Variants in PCNX2 observed in about 807,000 individuals in gnomAD.
PCNX2 encodes the protein pecanex-like protein 2.
A neutral mutation model predicts 223.8 loss-of-function variants in PCNX2; 168 were observed. The observed-to-expected ratio is 0.75, with a 90% CI of 0.66 to 0.85. PCNX2 has a LOEUF of 0.85. Ranked by LOEUF, PCNX2 falls within the 40% of genes least tolerant of loss-of-function variation. PCNX2 has a pLI of 0.00. For missense variants in PCNX2, 2,507 were observed against 2,675.5 expected (o/e 0.94, Z 1.39); for synonymous variants, 1,006 against 1,052.6 (o/e 0.96, Z 0.86).
At chr1:233,192,495 A>G (rs1397478805) in intron 15 of PCNX2, among the ~76,000 whole-genome samples, 1 of 152,222 alleles carries the variant, frequency 6.6e-6, no homozygotes, top group African/African-American at 2.4e-5. Context: ...CTAGGTTATC[A>G]AAGACATATT....
intron 25 of PCNX2, among the ~76,000 whole-genome samples, chr1:233,027,769 T>C (rs928942576): frequency 6.6e-6 from 1 of 152,112 alleles, no homozygotes; most frequent in Non-Finnish European, 1.5e-5. Context: ...CTTCCCCTCT[T>C]CCTTTTAAAA....
In PCNX2 at chr1:233,001,756, T is replaced by C; in HGVS notation, c.4953-75A>G. On this transcript the variant is annotated intron_variant, in intron 28 of 33. Transcript: ENST00000258229. This position sits in a 1 kb window ranked among gnomAD's most constrained non-coding sequence, Gnocchi z 4.2. ...TTGTGAGCAAAGTTTGAGTCTCCCA[T>C]TTGTCTAAGAATTATCTTAACATTT... The C allele has an allele frequency of 7.6e-7, 1 of 1,309,550 alleles. No homozygotes were observed. Among genetic ancestry groups the C allele is most frequent in the Non-Finnish European group, 1.0e-6 (1 of 995,086 alleles). 81.1% of individuals were successfully genotyped at this position (1,309,550 alleles called of 1,614,324 possible).
intron 1 of PCNX2, among the ~76,000 whole-genome samples, chr1:233,264,483 G>C (rs1221165410): frequency 6.6e-6 from 1 of 152,118 alleles, no homozygotes; most frequent in East Asian, 1.9e-4. Flanking sequence ...TATCTTCCAA[G>C]TTGGACTGTC....
intron 10 of PCNX2, among the ~76,000 whole-genome samples, chr1:233,226,999 T>C (rs531802833): frequency 6.6e-6 from 1 of 152,344 alleles, no homozygotes; most frequent in South Asian, 2.1e-4. Flanking sequence ...AATATGTTAA[T>C]TTATTATTAA....
chr1:233,036,683 C>T (rs970728563), intron 25 of PCNX2, among the ~76,000 whole-genome samples: 2 of 151,544 alleles, frequency 1.3e-5, no homozygotes, highest in Admixed American at 6.6e-5. Flanking sequence ...TAAGATTGCA[C>T]AATAGAAATA....
intron 23 of PCNX2, among the ~76,000 whole-genome samples, chr1:233,073,425 C>T (rs1672944134): frequency 6.6e-6 from 1 of 151,990 alleles, no homozygotes; most frequent in Admixed American, 6.6e-5. Context: ...ATTTTGTACA[C>T]TCTTCTTTTT....
chr1:232,985,819 A>G, intron 33 of PCNX2: 1 of 600,368 alleles, frequency 1.7e-6, no homozygotes. Context: ...AGATGGCCAC[A>G]GTTCTGCAGA....
At chr1:233,191,148 C>CATGG (rs1680398610) in intron 15 of PCNX2, among the ~76,000 whole-genome samples, 1 of 152,180 alleles carries the variant, frequency 6.6e-6, no homozygotes, top group Non-Finnish European at 1.5e-5. Context: ...CATGAATGCA[C>CATGG]ATTACTTTTG....
chr1:233,319,645 A>T, the PCNX2 span, among the ~76,000 whole-genome samples: 1 of 152,214 alleles, frequency 6.6e-6, no homozygotes. Context: ...AAAGGGTCTT[A>T]TGCCCTCACT....
chr1:233,057,289 T>C lies in PCNX2; in HGVS notation c.4078A>G (p.Thr1360Ala). Residue 1360 changes from threonine to alanine, a missense_variant and splice_region_variant, in exon 24 of 34, where the codon ACA becomes GCA. This residue lies in a region of PCNX2 where 1,372 missense variants were observed against 1,509.4 expected (regional missense o/e 0.91). Transcript: ENST00000258229. ...GTGTTGGAATTATCCACTCGCCTTG[T>C]ACTAGAAGAGGCCACAAAAGGGTAA... ...PVKFWEKNYN[T>A]RRVDNSNTRL... 2 of 1,608,866 alleles carry C rather than the reference T, an allele frequency of 1.2e-6. No individual in the cohort carries two copies. Among genetic ancestry groups the C allele is most frequent in the Non-Finnish European group, 1.7e-6 (2 of 1,176,596 alleles).
chr1:233,233,768 G>T (rs565554368), intron 9 of PCNX2, among the ~76,000 whole-genome samples: 3 of 151,772 alleles, frequency 2.0e-5, no homozygotes, highest in Non-Finnish European at 4.4e-5. Context: ...CTTGTCTTCC[G>T]AGCCTTATCT....
intron 5 of PCNX2, among the ~76,000 whole-genome samples, chr1:233,256,529 C>T (rs886180245): frequency 6.6e-6 from 1 of 152,102 alleles, no homozygotes; most frequent in Admixed American, 6.6e-5. Flanking sequence ...AATACAGTAG[C>T]CAATAGCCAC....
chr1:233,233,044 A>G, intron 9 of PCNX2: 2 of 985,228 alleles, frequency 2.0e-6, no homozygotes, highest in Non-Finnish European at 2.4e-6. Flanking sequence ...TACAGATCCT[A>G]TGCTGCCCTT....
intron 25 of PCNX2, among the ~76,000 whole-genome samples, chr1:233,037,325 TTTTTA>T (rs1406550045): frequency 6.6e-6 from 1 of 152,108 alleles, no homozygotes; most frequent in Non-Finnish European, 1.5e-5. Flanking sequence ...CTGTGTGTCT[TTTTTA>T]TTTTATTTTA....
intron 21 of PCNX2, among the ~76,000 whole-genome samples, chr1:233,106,715 C>T (rs1020136426): frequency 1.3e-5 from 2 of 152,118 alleles, no homozygotes; most frequent in Non-Finnish European, 2.9e-5. Flanking sequence ...GTTCATTCAC[C>T]TCCTATCAGG....
rs997233421 is a variant in PCNX2 at position 233,120,560 on chromosome 1, C to T, written c.3837+14453G>A. On this transcript the variant is annotated intron_variant, in intron 21 of 33. Coordinates refer to ENST00000258229, the MANE Select transcript of PCNX2 (RefSeq NM_014801.4). ...TAAAAATTTAGCATGGAACTACCTA[C>T]GGCAAAAGTAAAAGTACCTACCCAT... 4.6e-5 allele frequency among the ~76,000 whole-genome samples: 7 copies of T among 152,256 alleles called. No individual in the cohort carries two copies. The South Asian group carries it at 6.2e-4, about 14-fold the overall frequency.
intron 10 of PCNX2, among the ~76,000 whole-genome samples, chr1:233,220,887 A>G (rs767087965): frequency 6.6e-6 from 1 of 152,198 alleles, no homozygotes; most frequent in Non-Finnish European, 1.5e-5. Context: ...AATTTCAGAT[A>G]GATAGCTATA....
intron 28 of PCNX2, among the ~76,000 whole-genome samples, chr1:233,013,059 C>A (rs1670523811): frequency 6.6e-6 from 1 of 152,126 alleles, no homozygotes; most frequent in Non-Finnish European, 1.5e-5. Flanking sequence ...AAGCTTAGTC[C>A]CAGATGGCCA....
At chr1:233,309,764 G>T in the PCNX2 span, among the ~76,000 whole-genome samples, 22 of 151,848 alleles carry the variant, frequency 1.4e-4, no homozygotes, top group Middle Eastern at 3.4e-3. Context: ...TGTAGTCCCA[G>T]CTACTCAGGC....
Sources: gnomAD v4.1 joint callset for allele counts (sites outside exome capture counted in the v4.1 genomes callset) on GRCh38, gnomAD v4.1.1 for gene constraint, gnomAD v4.1.1 regional missense constraint, Gnocchi (gnomAD v3.1) non-coding constraint, MANE v1.5 for transcripts, NCBI Gene and HGNC (gene_info 2026-07-23, HGNC 2026-07-21) for gene names.